The following PARP15 variants were observed in gnomAD, a reference collection of about 807,000 sequenced individuals.
PARP15 encodes the protein protein mono-ADP-ribosyltransferase PARP15.
PARP15 carries 50 observed loss-of-function variants against 62.1 expected under a neutral mutation model. That is an observed-to-expected ratio of 0.81 (90% CI 0.64 to 1.02). PARP15 has a LOEUF of 1.02. PARP15 is among the 50% of genes least tolerant of loss of function. The pLI is 0.00. For missense variants in PARP15, 820 were observed against 826.5 expected (o/e 0.99, Z 0.10); for synonymous variants, 309 against 293.1 (o/e 1.05, Z -0.55).
intron 8 of PARP15, among the ~76,000 whole-genome samples, chr3:122,625,048 T>C (rs1282518710): frequency 1.3e-5 from 2 of 152,090 alleles, no homozygotes; most frequent in Non-Finnish European, 2.9e-5. Context: ...CATTATTATA[T>C]TCTTAATTAC....
intron 2 of PARP15, among the ~76,000 whole-genome samples, chr3:122,606,395 G>A (rs1935163342): frequency 6.6e-6 from 1 of 152,190 alleles, no homozygotes; most frequent in African/African-American, 2.4e-5. Context: ...GAAGATATGT[G>A]TACAGCACAC....
At chr3:122,599,784 G>A (rs9874835) in intron 1 of PARP15, among the ~76,000 whole-genome samples, 83,184 of 151,910 alleles carry the variant, frequency 0.55, 24,124 homozygotes, top group Non-Finnish European at 0.67. Flanking sequence ...TATGTTGGCC[G>A]GGCTTGTCTT....
At position 122,613,101 on chromosome 3, in the gene PARP15, A is replaced by G. The variant is rs776103576; in HGVS notation, c.604A>G (p.Ile202Val). ...TGTAGAAGTGCTATCTTTCTCATCA[A>G]TCACATTTCCCATGATTGGAACAGG... ...TTVEVLSFSS[I>V]TFPMIGTGSL... Residue 202 changes from isoleucine to valine, a missense_variant, in exon 4 of 12, where the codon ATC (isoleucine) becomes GTC (valine). Transcript: ENST00000464300. 1.9e-5 allele frequency: 29 copies of G among 1,551,712 alleles called. No individual in the cohort carries two copies. The highest frequency in any genetic ancestry group is 1.8e-4 in the South Asian group (15 of 84,060).
intron 1 of PARP15, among the ~76,000 whole-genome samples, chr3:122,580,001 A>ATATATG (rs1553725418): frequency 0.02 from 1,225 of 62,146 alleles, 36 homozygotes; most frequent in Middle Eastern, 0.024. Flanking sequence ...AACTATATGT[A>ATATATG]TATATATATA....
chr3:122,605,288 A>G (rs911391569), intron 1 of PARP15, among the ~76,000 whole-genome samples: 2 of 152,096 alleles, frequency 1.3e-5, no homozygotes, highest in Admixed American at 6.6e-5. Flanking sequence ...TTGGCACTAG[A>G]GAAAGTCTCC....
intron 6 of PARP15, among the ~76,000 whole-genome samples, chr3:122,617,888 AATTT>A (rs201992449): frequency 2.0e-5 from 3 of 151,926 alleles, no homozygotes; most frequent in South Asian, 2.1e-4. Context: ...GCCACCCCCT[AATTT>A]ATTTATTTAT....
intron 9 of PARP15, among the ~76,000 whole-genome samples, chr3:122,630,677 T>C (rs1260619352): frequency 1.3e-5 from 2 of 152,108 alleles, no homozygotes; most frequent in Non-Finnish European, 2.9e-5. Context: ...AGACTCTGTC[T>C]CAAAATAATA....
chr3:122,599,460 TCTCTCTCTCTCCC>T (rs1420307649), intron 1 of PARP15, among the ~76,000 whole-genome samples: 1 of 152,082 alleles, frequency 6.6e-6, no homozygotes, highest in African/African-American at 2.4e-5. Flanking sequence ...ACTTTCTGAT[TCTCTCTCTCTCCC>T]CTCTCTCTCT....
intron 1 of PARP15, among the ~76,000 whole-genome samples, chr3:122,601,036 G>GTTTTTTTTTTGTTTTTTTTT (rs1934748778): frequency 6.8e-5 from 5 of 73,032 alleles, no homozygotes; most frequent in African/African-American, 4.1e-4. Flanking sequence ...GTCTTTTATG[G>GTTTTTTTTTTGTTTTTTTTT]TTTTTTTTTT....
intron 9 of PARP15, 121 bp from the exon 10 acceptor site, chr3:122,631,965 G>A (rs1248835305): frequency 2.8e-6 from 3 of 1,077,052 alleles, no homozygotes; most frequent in Non-Finnish European, 4.2e-6. Context: ...ATTGTGAAAT[G>A]TGTAACTTCT....
chr3:122,587,612 G>C (rs35600649), intron 1 of PARP15, among the ~76,000 whole-genome samples: 1 of 152,010 alleles, frequency 6.6e-6, no homozygotes, highest in Admixed American at 6.6e-5. Context: ...TACTGCAGCC[G>C]CAACCTCCTG....
At chr3:122,634,500 T>G (rs1189136614) in intron 10 of PARP15, among the ~76,000 whole-genome samples, 2 of 152,114 alleles carry the variant, frequency 1.3e-5, no homozygotes, top group Non-Finnish European at 2.9e-5. Context: ...GGATGGCTCG[T>G]GGTTTGAAAT....
At chr3:122,580,039 A>T in intron 1 of PARP15, among the ~76,000 whole-genome samples, 1 of 135,686 alleles carries the variant, frequency 7.4e-6, no homozygotes, top group East Asian at 2.1e-4. Context: ...ATATATATGC[A>T]CGCGCGCACA....
intron 9 of PARP15, among the ~76,000 whole-genome samples, chr3:122,629,831 C>T (rs1241961663): frequency 6.6e-6 from 1 of 152,160 alleles, no homozygotes; most frequent in East Asian, 1.9e-4. Flanking sequence ...CCCTTGCATG[C>T]ACAGTTCACA....
chr3:122,628,160 A>G (rs1445901857), intron 9 of PARP15, among the ~76,000 whole-genome samples: 1 of 152,226 alleles, frequency 6.6e-6, no homozygotes, highest in Non-Finnish European at 1.5e-5. Context: ...TTTCAAGAGG[A>G]AAGAGTATAT....
At chr3:122,585,527 A>G (rs573618088) in intron 1 of PARP15, among the ~76,000 whole-genome samples, 1 of 152,190 alleles carries the variant, frequency 6.6e-6, no homozygotes, top group African/African-American at 2.4e-5. Context: ...AGTGTCCACT[A>G]CTTAATATGG....
intron 11 of PARP15, among the ~76,000 whole-genome samples, chr3:122,635,434 G>C (rs1025697044): frequency 6.6e-6 from 1 of 150,378 alleles, no homozygotes; most frequent in African/African-American, 2.5e-5. Flanking sequence ...TTTTTTAGAC[G>C]GTCTCATTCT....
intron 1 of PARP15, among the ~76,000 whole-genome samples, chr3:122,588,368 T>TC (rs1374125724): frequency 6.6e-6 from 1 of 151,948 alleles, no homozygotes; most frequent in African/African-American, 2.4e-5. Flanking sequence ...ATTTTTTTTT[T>TC]TGGTTTATTG....
intron 1 of PARP15, among the ~76,000 whole-genome samples, chr3:122,599,209 T>C (rs13069419): frequency 0.084 from 12,793 of 152,132 alleles, 533 homozygotes; most frequent in Non-Finnish European, 0.1. Context: ...CCTTTAGAAT[T>C]CCAAATGTAT....
Sources: gnomAD v4.1 joint callset for allele counts (sites outside exome capture counted in the v4.1 genomes callset) on GRCh38, gnomAD v4.1.1 for gene constraint, MANE v1.5 for transcripts, NCBI Gene and HGNC (gene_info 2026-07-23, HGNC 2026-07-21) for gene names.